Variants in MCUB observed in about 807,000 individuals in gnomAD.
MCUB encodes mitochondrial calcium uniporter dominant negative subunit beta.
In MCUB, 46 loss-of-function variants were observed where a neutral mutation model predicts 41.4. The observed-to-expected ratio is 1.11, with a 90% CI of 0.88 to 1.42. The LOEUF (loss-of-function observed/expected upper bound fraction) is 1.42. Among genes scored for constraint, MCUB ranks in the 40% most tolerant of loss-of-function variants. The pLI, the probability that MCUB is intolerant of heterozygous loss-of-function variation, is 0.00. For missense variants in MCUB, 403 were observed against 404.9 expected, an observed-to-expected ratio of 1.00 and a Z score of 0.04; for synonymous variants, 148 against 148.2, an observed-to-expected ratio of 1.00 and a Z score of 0.01.
At chr4:109,683,574 G>C (rs1729765111) in intron 5 of MCUB, among the ~76,000 whole-genome samples, 1 of 152,074 alleles carries the variant, frequency 6.6e-6, no homozygotes, top group Non-Finnish European at 1.5e-5. Flanking sequence ...CTTTATCTGT[G>C]TACAAACAAA....
In MCUB at chr4:109,592,522, T is replaced by G. The variant is rs536334295; in HGVS notation, c.99+32086T>G. Among the ~76,000 whole-genome samples the G allele has an allele frequency of 1.8e-3, 271 of 152,240 alleles. 1 individual carries two copies. The highest frequency in any genetic ancestry group is 2.9e-3 in the Non-Finnish European group (198 of 68,010). ...TCATGTTTGAAACCAACAACTCCAG[T>G]GCCACACTTAAGGTTATGTTCTCAT... is the stretch of plus-strand genomic sequence containing the variant. On this transcript the variant is annotated intron_variant, in intron 1 of 7. Transcript: ENST00000394650.
Position 109,660,625 on chromosome 4 carries a change from C to T in MCUB, c.346+260C>T, listed in dbSNP as rs182948102. On this transcript the variant is annotated intron_variant, in intron 3 of 7. Coordinates refer to ENST00000394650, the MANE Select transcript of MCUB (RefSeq NM_017918.5). Reference sequence around the variant, plus strand: ...TGAGGTCAGGAGTTCGAGACCAGCCCGACCAACATGGAGAAACCCCGTCTC... The same window carrying T: ...TGAGGTCAGGAGTTCGAGACCAGCCTGACCAACATGGAGAAACCCCGTCTC... 5.9e-5 allele frequency among the ~76,000 whole-genome samples: 9 copies of T among 151,944 alleles called. No individual in the cohort carries two copies. In the East Asian group the frequency reaches 9.7e-4, roughly 16 times the overall value.
intron 1 of MCUB, among the ~76,000 whole-genome samples, chr4:109,567,081 G>A (rs781509100): frequency 9.2e-5 from 13 of 140,956 alleles, no homozygotes; most frequent in Non-Finnish European, 1.8e-4. Context: ...GCAGTGAGCC[G>A]AGATCGCATC....
chr4:109,580,203 A>G lies in MCUB; in HGVS notation c.99+19767A>G, dbSNP rs1367577538. On this transcript the variant is annotated intron_variant, in intron 1 of 7. Coordinates refer to ENST00000394650, the MANE Select transcript of MCUB (RefSeq NM_017918.5). ...CTGCATCCATGTCCCTGCAAAGGAC[A>G]TGAACTCATCCTTTTTTATGGCTGC... Among the ~76,000 whole-genome samples the G allele has an allele frequency of 2.0e-5, 3 of 152,236 alleles. No individual in the cohort carries two copies. In the East Asian group the frequency reaches 5.8e-4, roughly 29 times the overall value.
At chr4:109,626,825 A>T in intron 1 of MCUB, among the ~76,000 whole-genome samples, 1 of 42,620 alleles carries the variant, frequency 2.3e-5, no homozygotes, top group Admixed American at 2.4e-4. Context: ...CCGACTCAAA[A>T]AAAAAAAAAA....
chr4:109,629,284 C>T (rs1043774258), intron 1 of MCUB, among the ~76,000 whole-genome samples: 6 of 152,044 alleles, frequency 3.9e-5, no homozygotes, highest in Admixed American at 6.6e-5. Context: ...GAGCTTTTGT[C>T]CAGCCTAGAC....
intron 1 of MCUB, among the ~76,000 whole-genome samples, chr4:109,647,366 G>A (rs977922583): frequency 4.6e-5 from 7 of 152,148 alleles, no homozygotes; most frequent in South Asian, 2.1e-4. Context: ...ACCCCTGGCA[G>A]CCACTGATCC....
intron 4 of MCUB, among the ~76,000 whole-genome samples, chr4:109,679,908 TCTC>T (rs1183743158): frequency 9.9e-5 from 15 of 152,084 alleles, no homozygotes; most frequent in South Asian, 2.1e-4. Flanking sequence ...TTCAAGCAAT[TCTC>T]CTGCCTCAGC....
At chr4:109,611,958 T>C (rs1384984392) in intron 1 of MCUB, among the ~76,000 whole-genome samples, 1 of 152,210 alleles carries the variant, frequency 6.6e-6, no homozygotes, top group South Asian at 2.1e-4. Flanking sequence ...ACTAGACTTG[T>C]AGTGTGAAAA....
Position 109,660,381 on chromosome 4 carries a change from AT to A in MCUB, c.346+20del. 2 of 1,492,878 alleles carry A rather than the reference AT, an allele frequency of 1.3e-6. No individual in the cohort carries two copies. The highest frequency in any genetic ancestry group is 1.8e-6 in the Non-Finnish European group (2 of 1,090,414). The allele number at this position is 1,492,878 out of a possible 1,614,324, so 92.5% of individuals were successfully genotyped here. A position where few individuals can be genotyped will look rare whatever the true frequency, so the allele number is the denominator to read the frequency against. ...TTCACAGCAGGTATATATGTATATA[AT>A]TTTACAACTTTGTCCCAGGGTTTCT... On this transcript the variant is annotated intron_variant, in intron 3 of 7. Transcript: ENST00000394650.
Position 109,588,413 on chromosome 4 carries a change from ATT to A in MCUB, c.99+27979_99+27980del, listed in dbSNP as rs544676673. ...TGACTGCAGTGAGAATGAGCTCGGT[ATT>A]TGAGTCACTGAATTCAGTTGCATCT... On this transcript the variant is annotated intron_variant, in intron 1 of 7. Transcript: ENST00000394650. 1.5e-3 allele frequency among the ~76,000 whole-genome samples: 222 copies of A among 152,266 alleles called. 1 individual carries two copies. Among genetic ancestry groups the A allele is most frequent in the African/African-American group, 4.9e-3 (203 of 41,566 alleles).
chr4:109,623,219 A>C (rs1728291316), intron 1 of MCUB, among the ~76,000 whole-genome samples: 1 of 152,234 alleles, frequency 6.6e-6, no homozygotes, highest in African/African-American at 2.4e-5. Flanking sequence ...TGTCACGAAG[A>C]AAAGAGCTTG....
At chr4:109,642,440 T>C (rs2126140607) in intron 1 of MCUB, among the ~76,000 whole-genome samples, 1 of 152,350 alleles carries the variant, frequency 6.6e-6, no homozygotes, top group East Asian at 1.9e-4. Context: ...AAAGTTGTCC[T>C]TAAAAGGCTT....
At chr4:109,575,679 A>G (rs1727010289) in intron 1 of MCUB, among the ~76,000 whole-genome samples, 1 of 152,220 alleles carries the variant, frequency 6.6e-6, no homozygotes, top group East Asian at 1.9e-4. Context: ...TCTTGGAGAG[A>G]AAATATACCA....
chr4:109,613,779 A>G (rs1423762295), intron 1 of MCUB, among the ~76,000 whole-genome samples: 1 of 152,176 alleles, frequency 6.6e-6, no homozygotes, highest in African/African-American at 2.4e-5. Flanking sequence ...TAAAAAAATT[A>G]AAGTATTTAT....
In MCUB at chr4:109,560,299, C is replaced by T. The variant is rs1726588345; in HGVS notation, c.-39C>T. ...GGAGCCCGGCTGAGGGAGGATGCGCCGCTGACGCCTGCGGGAGCCGCGCGC... is the reference window on the plus strand; with the variant it reads ...GGAGCCCGGCTGAGGGAGGATGCGCTGCTGACGCCTGCGGGAGCCGCGCGC... On this transcript the variant is annotated 5_prime_UTR_variant, in exon 1 of 8. Transcript: ENST00000394650. 4 of 1,060,368 alleles carry T rather than the reference C, an allele frequency of 3.8e-6. No individual in the cohort carries two copies. Among genetic ancestry groups the T allele is most frequent in the Admixed American group, 8.6e-5 (2 of 23,164 alleles). The allele number at this position is 1,060,368 out of a possible 1,614,324, so 65.7% of individuals were successfully genotyped here.
chr4:109,659,700 A>C (rs994324451), intron 2 of MCUB, among the ~76,000 whole-genome samples: 1 of 152,200 alleles, frequency 6.6e-6, no homozygotes, highest in Non-Finnish European at 1.5e-5. Flanking sequence ...TGTGTCACTC[A>C]GGCTGGAGTG....
rs187389053 is a variant in MCUB, at chr4:109,667,933, A to T, written c.451+3539A>T. On this transcript the variant is annotated intron_variant, in intron 4 of 7. Coordinates refer to ENST00000394650, the MANE Select transcript of MCUB (RefSeq NM_017918.5). ...GTTAGAAGTACATTATTTAATATCT[A>T]AGTATTTTGGGATTTTCCAGCTATC... is the stretch of plus-strand genomic sequence containing the variant. 4.8e-3 allele frequency among the ~76,000 whole-genome samples: 734 copies of T among 151,558 alleles called. 6 individuals carry two copies. Among genetic ancestry groups the T allele is most frequent in the Admixed American group, 9.2e-3 (141 of 15,252 alleles).
At chr4:109,569,822 G>GCT (rs1192108661) in intron 1 of MCUB, among the ~76,000 whole-genome samples, 3 of 152,220 alleles carry the variant, frequency 2.0e-5, no homozygotes, top group Non-Finnish European at 2.9e-5. Context: ...TGTTACAGCA[G>GCT]CTCTGCCTGT....
Sources: allele counts gnomAD v4.1 joint callset (sites outside exome capture counted in the v4.1 genomes callset), GRCh38; gene constraint gnomAD v4.1.1; transcripts MANE v1.5; gene names NCBI Gene and HGNC (gene_info 2026-07-23, HGNC 2026-07-21).